The following MAF variants were observed in gnomAD, a reference collection of about 807,000 sequenced individuals.
MAF encodes the protein MAF bZIP transcription factor, also known as transcription factor Maf.
In MAF, 10 loss-of-function variants were observed where a neutral mutation model predicts 22.0. That is an observed-to-expected ratio of 0.45 (90% CI 0.28 to 0.77). MAF has a LOEUF of 0.77. Ranked by LOEUF, MAF falls within the 30% of genes least tolerant of loss-of-function variation. The pLI, the probability that MAF is intolerant of heterozygous loss-of-function variation, is 0.12. For synonymous variants in MAF, 337 were observed against 255.8 expected, an observed-to-expected ratio of 1.32 and a Z score of -3.03; for missense variants, 544 against 548.4, an observed-to-expected ratio of 0.99 and a Z score of 0.08.
At chr16:79,409,127 GT>G in the MAF span, among the ~76,000 whole-genome samples, 1 of 151,966 alleles carries the variant, frequency 6.6e-6, no homozygotes, top group Non-Finnish European at 1.5e-5. Flanking sequence ...AGGTGTCCAG[GT>G]TCTCCTCCTC....
At chr16:79,468,520 G>C in the MAF span, among the ~76,000 whole-genome samples, 1 of 152,222 alleles carries the variant, frequency 6.6e-6, no homozygotes, top group Non-Finnish European at 1.5e-5. Context: ...TGGTGTCAGT[G>C]AACGACTGCA....
chr16:79,242,689 C>T, the MAF span, among the ~76,000 whole-genome samples: 148 of 152,138 alleles, frequency 9.7e-4, no homozygotes, highest in African/African-American at 3.6e-3. Flanking sequence ...GAACTCAGCT[C>T]TGGACCAAGC....
the MAF span, among the ~76,000 whole-genome samples, chr16:79,504,321 C>T: frequency 1.5e-4 from 23 of 152,176 alleles, no homozygotes; most frequent in African/African-American, 5.6e-4. Flanking sequence ...CTACCTGTCC[C>T]CACCACTCAG....
chr16:79,478,857 C>T, the MAF span, among the ~76,000 whole-genome samples: 1 of 151,908 alleles, frequency 6.6e-6, no homozygotes, highest in African/African-American at 2.4e-5. Flanking sequence ...TTGCACCACA[C>T]CAGCATACCT....
chr16:79,595,400 G>C (rs1158312909), intron 1 of MAF: 2 of 1,053,436 alleles, frequency 1.9e-6, no homozygotes, highest in Admixed American at 1.1e-4. Flanking sequence ...TTCAGTCAGA[G>C]TTGCAATATT....
At chr16:79,284,385 G>A in the MAF span, among the ~76,000 whole-genome samples, 1 of 152,162 alleles carries the variant, frequency 6.6e-6, no homozygotes, top group African/African-American at 2.4e-5. Flanking sequence ...TCACCCCTTA[G>A]AGGGTTCCAC....
the MAF span, among the ~76,000 whole-genome samples, chr16:79,283,625 T>C: frequency 1.3e-5 from 2 of 152,192 alleles, no homozygotes; most frequent in African/African-American, 2.4e-5. Context: ...GTCATAAAAA[T>C]CTTAGGTAGT....
At chr16:79,269,488 C>T in the MAF span, among the ~76,000 whole-genome samples, 1 of 152,034 alleles carries the variant, frequency 6.6e-6, no homozygotes, top group South Asian at 2.1e-4. Flanking sequence ...AACCACAGCT[C>T]CCATCCCAAA....
chr16:79,566,450 C>T, the MAF span, among the ~76,000 whole-genome samples: 903 of 152,294 alleles, frequency 5.9e-3, 9 homozygotes, highest in African/African-American at 0.02. Context: ...GCTGAGCTGA[C>T]GGAGTGATGG....
the MAF span, among the ~76,000 whole-genome samples, chr16:79,503,315 T>C: frequency 1.3e-5 from 2 of 152,310 alleles, no homozygotes; most frequent in East Asian, 1.9e-4. Flanking sequence ...CTTGATATAC[T>C]AGCCACAACC....
At chr16:79,274,392 T>C in the MAF span, among the ~76,000 whole-genome samples, 262 of 152,034 alleles carry the variant, frequency 1.7e-3, no homozygotes, top group African/African-American at 6.0e-3. Context: ...GAGATTCAGG[T>C]TGCGCAATTC....
At chr16:79,232,199 G>A in the MAF span, among the ~76,000 whole-genome samples, 1 of 151,946 alleles carries the variant, frequency 6.6e-6, no homozygotes, top group Non-Finnish European at 1.5e-5. Context: ...CAGGGGTTGG[G>A]GAATCCCTGA....
the MAF span, among the ~76,000 whole-genome samples, chr16:79,281,043 G>C: frequency 6.6e-6 from 1 of 152,138 alleles, no homozygotes; most frequent in African/African-American, 2.4e-5. Flanking sequence ...GAGACAGGGA[G>C]AAAAAGAGAC....
chr16:79,476,585 T>C, the MAF span, among the ~76,000 whole-genome samples: 2 of 152,212 alleles, frequency 1.3e-5, no homozygotes, highest in Non-Finnish European at 1.5e-5. Flanking sequence ...ATGTTCTCTC[T>C]GACCCTCAGA....
At chr16:79,331,312 G>T in the MAF span, among the ~76,000 whole-genome samples, 1 of 152,184 alleles carries the variant, frequency 6.6e-6, no homozygotes, top group Non-Finnish European at 1.5e-5. Context: ...GTGAGGAACG[G>T]GGTGGTGTTG....
chr16:79,430,720 G>C, the MAF span, among the ~76,000 whole-genome samples: 2 of 152,192 alleles, frequency 1.3e-5, no homozygotes, highest in Non-Finnish European at 2.9e-5. Flanking sequence ...GTGCTGATTT[G>C]TGCTTCTACT....
chr16:79,334,614 A>G, the MAF span, among the ~76,000 whole-genome samples: 171 of 152,164 alleles, frequency 1.1e-3, no homozygotes, highest in Non-Finnish European at 2.3e-3. Context: ...AATTCTTAGG[A>G]CTTTCAGGAT....
chr16:79,531,000 C>G, the MAF span, among the ~76,000 whole-genome samples: 1 of 152,170 alleles, frequency 6.6e-6, no homozygotes, highest in Non-Finnish European at 1.5e-5. Context: ...ACTTGCCTGC[C>G]AGTAAGTTTC....
chr16:79,513,750 G>A, the MAF span, among the ~76,000 whole-genome samples: 8 of 152,162 alleles, frequency 5.3e-5, no homozygotes, highest in East Asian at 1.9e-4. Flanking sequence ...GTTTAAAAGC[G>A]CTTAGCTGAG....
Sources: gnomAD v4.1 joint callset for allele counts (sites outside exome capture counted in the v4.1 genomes callset) on GRCh38, gnomAD v4.1.1 for gene constraint, MANE v1.5 for transcripts, NCBI Gene and HGNC (gene_info 2026-07-23, HGNC 2026-07-21) for gene names.